Variants in CDH13 observed in about 807,000 individuals in gnomAD.
CDH13 encodes cadherin 13, also known as cadherin-13.
CDH13 carries 24 observed loss-of-function variants against 63.8 expected under a neutral mutation model. The observed-to-expected ratio is 0.38, with a 90% CI of 0.27 to 0.53. The LOEUF is 0.53. Among genes scored for constraint, CDH13 ranks in the 20% least tolerant of loss-of-function variants. CDH13 has a pLI of 0.85. For synonymous variants in CDH13, 503 were observed against 355.3 expected (o/e 1.42, Z -4.67); for missense variants, 1,049 against 903.1 (o/e 1.16, Z -2.07).
At chr16:83,349,968 A>G (rs2090917233) in intron 6 of CDH13, among the ~76,000 whole-genome samples, 1 of 152,162 alleles carries the variant, frequency 6.6e-6, no homozygotes, top group African/African-American at 2.4e-5. Context: ...GGGGAGCTCA[A>G]GGAAATGACA....
chr16:82,786,840 T>A, intron 1 of CDH13, among the ~76,000 whole-genome samples: 1 of 152,132 alleles, frequency 6.6e-6, no homozygotes, highest in Non-Finnish European at 1.5e-5. Context: ...GAACTCATCC[T>A]TTTCTATGGC....
chr16:83,565,184 A>G (rs919954813), intron 7 of CDH13, among the ~76,000 whole-genome samples: 1 of 151,970 alleles, frequency 6.6e-6, no homozygotes, highest in Non-Finnish European at 1.5e-5. Context: ...TAGAAAAGCA[A>G]TTCAGATCTC....
intron 4 of CDH13, among the ~76,000 whole-genome samples, chr16:83,208,239 C>G (rs1279500471): frequency 6.6e-6 from 1 of 152,126 alleles, no homozygotes; most frequent in Non-Finnish European, 1.5e-5. Context: ...TCCTTAGTTC[C>G]CTGGCTAATT....
intron 11 of CDH13, among the ~76,000 whole-genome samples, chr16:83,773,969 GA>G (rs1270103065): frequency 6.6e-6 from 1 of 152,078 alleles, no homozygotes; most frequent in Non-Finnish European, 1.5e-5. Flanking sequence ...CTTGTAGCTG[GA>G]AGACGAGGCC....
chr16:83,785,105 A>G (rs914753653), intron 13 of CDH13, among the ~76,000 whole-genome samples: 1 of 152,216 alleles, frequency 6.6e-6, no homozygotes, highest in Non-Finnish European at 1.5e-5. Flanking sequence ...ATTCGGCTGT[A>G]CAGCAATTGG....
intron 1 of CDH13, among the ~76,000 whole-genome samples, chr16:82,737,944 C>G (rs2033756239): frequency 6.6e-6 from 1 of 152,208 alleles, no homozygotes; most frequent in Non-Finnish European, 1.5e-5. Flanking sequence ...CCTTATGCCC[C>G]TCCAGTGTTT....
At chr16:82,691,364 G>C (rs1915627230) in intron 1 of CDH13, among the ~76,000 whole-genome samples, 1 of 152,182 alleles carries the variant, frequency 6.6e-6, no homozygotes, top group Non-Finnish European at 1.5e-5. Context: ...CATGTGGCAG[G>C]TGGGACTTGA....
chr16:83,127,433 T>C lies in CDH13; in HGVS notation c.483+1932T>C, dbSNP rs9933345. 5.8e-4 allele frequency among the ~76,000 whole-genome samples: 88 copies of C among 152,260 alleles called. 1 individual carries two copies. The highest frequency in any genetic ancestry group is 1.9e-3 in the African/African-American group (81 of 41,562). ...ATCTGAACAAAGGTGACTTGGACTA[T>C]TGAAAATTGATCTTGGACGGGCATG... On this transcript the variant is annotated intron_variant, in intron 4 of 13. Coordinates refer to ENST00000567109, the MANE Select transcript of CDH13 (RefSeq NM_001257.5).
rs1285850067 is a variant in CDH13 at position 82,773,228 on chromosome 16, AAG to A, written c.46-85128_46-85127del. ...CAGGCTGTGTGAATTTTTTTGTGGT[AAG>A]AGAGATAAATGTCCCTCTTGTTCTT... is the stretch of plus-strand genomic sequence containing the variant. On this transcript the variant is annotated intron_variant, in intron 1 of 13. Transcript: ENST00000567109. 4 of 152,240 alleles carry A rather than the reference AAG, an allele frequency of 2.6e-5. No individual in the cohort carries two copies. In the East Asian group the frequency reaches 7.7e-4, roughly 29 times the overall value. 9.4% of individuals were successfully genotyped at this position (152,240 alleles called of 1,614,324 possible).
At chr16:82,877,693 A>G (rs191770076) in intron 2 of CDH13, among the ~76,000 whole-genome samples, 1 of 152,250 alleles carries the variant, frequency 6.6e-6, no homozygotes, top group African/African-American at 2.4e-5. Flanking sequence ...TAAATATTCC[A>G]GAAAGCATGC....
chr16:83,074,134 AC>A (rs2032650657), intron 3 of CDH13, among the ~76,000 whole-genome samples: 1 of 151,838 alleles, frequency 6.6e-6, no homozygotes, highest in Admixed American at 6.6e-5. Context: ...CTCTTCACTT[AC>A]CCTCCCAGAC....
chr16:83,052,616 C>A (rs985440754), intron 3 of CDH13, among the ~76,000 whole-genome samples: 1 of 151,836 alleles, frequency 6.6e-6, no homozygotes, highest in African/African-American at 2.4e-5. Flanking sequence ...CCTGTCTCTA[C>A]TAAAAATACA....
intron 1 of CDH13, among the ~76,000 whole-genome samples, chr16:82,649,414 A>C (rs1910473296): frequency 6.6e-6 from 1 of 152,194 alleles, no homozygotes; most frequent in Admixed American, 6.5e-5. Context: ...AGGGCATTTC[A>C]AGAAGGAAGT....
intron 2 of CDH13, among the ~76,000 whole-genome samples, chr16:82,886,845 C>G (rs2040905624): frequency 6.6e-6 from 1 of 152,118 alleles, no homozygotes. Context: ...GAGTGGGTCT[C>G]ATTTTATCTC....
chr16:82,806,943 A>G (rs1420270823), intron 1 of CDH13, among the ~76,000 whole-genome samples: 1 of 152,208 alleles, frequency 6.6e-6, no homozygotes, highest in East Asian at 1.9e-4. Flanking sequence ...TGGGCATAGC[A>G]GTCATCATTG....
chr16:83,086,523 T>A (rs891348996), intron 3 of CDH13, among the ~76,000 whole-genome samples: 7 of 152,228 alleles, frequency 4.6e-5, no homozygotes, highest in African/African-American at 1.7e-4. Context: ...CCAAGCGGAA[T>A]CCTTGTCTTT....
chr16:82,732,428 A>G (rs1006583740), intron 1 of CDH13, among the ~76,000 whole-genome samples: 11 of 152,218 alleles, frequency 7.2e-5, no homozygotes, highest in African/African-American at 2.4e-4. Context: ...CTAAAAATCA[A>G]TGCCCACTTT....
At chr16:82,675,523 G>T (rs1200999013) in intron 1 of CDH13, among the ~76,000 whole-genome samples, 1 of 152,146 alleles carries the variant, frequency 6.6e-6, no homozygotes, top group Non-Finnish European at 1.5e-5. Context: ...TGACTCCTTG[G>T]CCCAGCACAG....
At chr16:82,677,578 TTC>T (rs1213721022) in intron 1 of CDH13, among the ~76,000 whole-genome samples, 1 of 146,634 alleles carries the variant, frequency 6.8e-6, no homozygotes, top group Non-Finnish European at 1.5e-5. Flanking sequence ...TAGGATTAGG[TTC>T]TTTCAACAGT....
Sources: allele counts gnomAD v4.1 joint callset (sites outside exome capture counted in the v4.1 genomes callset), GRCh38; gene constraint gnomAD v4.1.1; transcripts MANE v1.5; gene names NCBI Gene and HGNC (gene_info 2026-07-23, HGNC 2026-07-21).